The following CCDC73 variants were observed in gnomAD, a reference collection of about 807,000 sequenced individuals.
CCDC73 encodes the protein coiled-coil domain-containing protein 73.
Under a neutral mutation model 116.5 loss-of-function variants are expected in CCDC73, and 95 were observed. That is an observed-to-expected ratio of 0.82 (90% confidence interval 0.69 to 0.97). The LOEUF (loss-of-function observed/expected upper bound fraction) is 0.97. Ranked by LOEUF, CCDC73 falls within the 50% of genes least tolerant of loss-of-function variation. CCDC73 has a pLI of 0.00. For missense variants in CCDC73, 1,066 were observed against 1,206.8 expected, an observed-to-expected ratio of 0.88 and a Z score of 1.73; for synonymous variants, 398 against 401.3, an observed-to-expected ratio of 0.99 and a Z score of 0.10.
intron 13 of CCDC73, among the ~76,000 whole-genome samples, chr11:32,639,095 C>T (rs903349837): frequency 1.1e-4 from 16 of 151,458 alleles, no homozygotes; most frequent in Admixed American, 1.1e-3. Context: ...TTGCAGTGAG[C>T]CGAGATCGCA....
At position 32,613,735 on chromosome 11, in the gene CCDC73, T is replaced by C. The variant is rs918003761; in HGVS notation, c.2583A>G (p.Gly861=). 3 of 1,613,958 alleles carry C rather than the reference T, an allele frequency of 1.9e-6. No individual in the cohort carries two copies. The Admixed American group carries it at 5.0e-5, about 27-fold the overall frequency. ...GAAATGAATGTGATTCCTCCAGCTGTCCTTCACTGAACATTTTTCCTGAAA... is the reference window on the plus strand; with the variant it reads ...GAAATGAATGTGATTCCTCCAGCTGCCCTTCACTGAACATTTTTCCTGAAA... ...DIVSGKMFSE[G]QLEESHSFHI... is the part of the protein sequence containing the mutation. Residue 861 remains glycine, a synonymous_variant, in exon 16 of 18, where the codon GGA becomes GGG. Coordinates refer to ENST00000335185, the MANE Select transcript of CCDC73 (RefSeq NM_001008391.4).
chr11:32,678,170 C>T (rs1304601459), intron 7 of CCDC73, among the ~76,000 whole-genome samples: 1 of 151,752 alleles, frequency 6.6e-6, no homozygotes, highest in Admixed American at 6.6e-5. Flanking sequence ...TCCCAGCTAC[C>T]TGGAAGGCTG....
At chr11:32,699,118 G>A in intron 6 of CCDC73, 133 bp downstream of exon 6, 1 of 975,066 alleles carries the variant, frequency 1.0e-6, no homozygotes, top group Non-Finnish European at 1.3e-6. Flanking sequence ...TCAGGAAAAA[G>A]TATTAAATTA....
chr11:32,800,025 T>G, the CCDC73 span, among the ~76,000 whole-genome samples: 14 of 152,214 alleles, frequency 9.2e-5, no homozygotes, highest in African/African-American at 3.4e-4. Flanking sequence ...ATATTTATAG[T>G]CAGAGTTGCA....
At chr11:32,730,612 G>A (rs1330941871) in intron 2 of CCDC73, among the ~76,000 whole-genome samples, 1 of 152,030 alleles carries the variant, frequency 6.6e-6, no homozygotes, top group Non-Finnish European at 1.5e-5. Context: ...TTGGTTTTCA[G>A]TTCTTCCATG....
chr11:32,701,612 C>A (rs1849813759), intron 4 of CCDC73, among the ~76,000 whole-genome samples: 1 of 151,976 alleles, frequency 6.6e-6, no homozygotes, highest in African/African-American at 2.4e-5. Context: ...CGTTTGAGCC[C>A]TGGAGTTGGA....
chr11:32,660,604 T>C (rs1311743342), intron 9 of CCDC73, among the ~76,000 whole-genome samples: 2 of 152,160 alleles, frequency 1.3e-5, no homozygotes, highest in South Asian at 2.1e-4. Context: ...GCAGGAGGAC[T>C]ACTTGAGCCT....
intron 12 of CCDC73, among the ~76,000 whole-genome samples, chr11:32,648,179 C>T (rs1409904522): frequency 6.6e-6 from 1 of 152,220 alleles, no homozygotes; most frequent in African/African-American, 2.4e-5. Flanking sequence ...TCTAGAGGCA[C>T]ATGATACTTG....
intron 14 of CCDC73, among the ~76,000 whole-genome samples, chr11:32,623,039 C>T (rs561880927): frequency 2.6e-5 from 4 of 151,824 alleles, no homozygotes; most frequent in Non-Finnish European, 4.4e-5. Flanking sequence ...GATGGAGTTT[C>T]GCTCTTTCAC....
At chr11:32,830,380 GA>G in the CCDC73 span, 1 of 931,246 alleles carries the variant, frequency 1.1e-6, no homozygotes, top group Non-Finnish European at 1.5e-6. Flanking sequence ...TCCGGCGACC[GA>G]AACCGCGCGC....
At chr11:32,715,748 G>T (rs922249331) in intron 3 of CCDC73, among the ~76,000 whole-genome samples, 2 of 152,084 alleles carry the variant, frequency 1.3e-5, no homozygotes, top group African/African-American at 4.8e-5. Flanking sequence ...GGAAACCTTT[G>T]CCCAGTAAAT....
At chr11:32,672,307 A>G (rs1012927487) in intron 9 of CCDC73, among the ~76,000 whole-genome samples, 36 of 152,222 alleles carry the variant, frequency 2.4e-4, no homozygotes, top group African/African-American at 8.7e-4. Context: ...GCGCCATTGC[A>G]TTCCAGCCTG....
chr11:32,628,876 C>G (rs890368959), intron 14 of CCDC73, among the ~76,000 whole-genome samples: 11 of 151,662 alleles, frequency 7.3e-5, no homozygotes, highest in African/African-American at 2.7e-4. Context: ...ATAGAATTAG[C>G]AAAGGAACTT....
intron 2 of CCDC73, chr11:32,758,392 C>A (rs1850361887): frequency 4.0e-5 from 20 of 504,984 alleles, no homozygotes; most frequent in South Asian, 2.7e-4. Flanking sequence ...AGGAAAGCAC[C>A]AAAATCTCCA....
At chr11:32,665,546 G>A (rs1454605454) in intron 9 of CCDC73, among the ~76,000 whole-genome samples, 2 of 152,120 alleles carry the variant, frequency 1.3e-5, no homozygotes, top group Non-Finnish European at 1.5e-5. Context: ...TTGAGCCTAT[G>A]TGTGTCTCTG....
At chr11:32,812,477 C>T in the CCDC73 span, among the ~76,000 whole-genome samples, 2 of 152,066 alleles carry the variant, frequency 1.3e-5, no homozygotes, top group African/African-American at 4.8e-5. Context: ...GCTAGCCTGA[C>T]CAACATGGAG....
the CCDC73 span, among the ~76,000 whole-genome samples, chr11:32,812,343 A>T: frequency 1.3e-5 from 2 of 152,146 alleles, no homozygotes; most frequent in African/African-American, 4.8e-5. Context: ...AAAATGGTGA[A>T]ACCCCATCTC....
At chr11:32,805,705 C>T in the CCDC73 span, among the ~76,000 whole-genome samples, 1 of 152,128 alleles carries the variant, frequency 6.6e-6, no homozygotes, top group Admixed American at 6.6e-5. Flanking sequence ...AAAAATTCCA[C>T]AAGACATAGC....
At chr11:32,607,582 T>G (rs1855371632) in intron 17 of CCDC73, among the ~76,000 whole-genome samples, 1 of 152,214 alleles carries the variant, frequency 6.6e-6, no homozygotes, top group African/African-American at 2.4e-5. Context: ...ATGTTTAGCT[T>G]TGATGCCCTC....
Sources: gnomAD v4.1 joint callset for allele counts (sites outside exome capture counted in the v4.1 genomes callset) on GRCh38, gnomAD v4.1.1 for gene constraint, MANE v1.5 for transcripts, NCBI Gene and HGNC (gene_info 2026-07-23, HGNC 2026-07-21) for gene names.